Variants in PRKG1 observed in about 807,000 individuals in gnomAD.
PRKG1 encodes protein kinase cGMP-dependent 1.
A neutral mutation model predicts 88.1 loss-of-function variants in PRKG1; 35 were observed. The observed-to-expected ratio is 0.40, with a 90% CI of 0.30 to 0.53. The LOEUF is 0.53. PRKG1 is among the 20% of genes least tolerant of loss of function. The probability of loss-of-function intolerance (pLI) is 0.59; values close to 1 mark genes in which losing one functional copy is unlikely to be tolerated. For missense variants in PRKG1, 540 were observed against 839.8 expected (o/e 0.64, Z 4.41); for synonymous variants, 303 against 292.5 (o/e 1.04, Z -0.37).
chr10:51,619,526 T>A (rs1231195203), intron 3 of PRKG1, among the ~76,000 whole-genome samples: 1 of 152,148 alleles, frequency 6.6e-6, no homozygotes, highest in East Asian at 1.9e-4. Context: ...ATCAATCAAG[T>A]CAAACCCTCT....
intron 3 of PRKG1, among the ~76,000 whole-genome samples, chr10:51,741,347 A>C (rs1837428161): frequency 6.6e-6 from 1 of 152,068 alleles, no homozygotes; most frequent in African/African-American, 2.4e-5. Flanking sequence ...GAATAATGTT[A>C]TTGACAGGCT....
chr10:51,907,329 C>A (rs538275936), intron 4 of PRKG1, among the ~76,000 whole-genome samples, 178 bp from the exon 5 acceptor site: 22 of 150,848 alleles, frequency 1.5e-4, no homozygotes, highest in African/African-American at 5.4e-4. Flanking sequence ...TTGCTTTGAT[C>A]TTCATCTGCA....
At chr10:51,347,260 C>T (rs568820986) in intron 2 of PRKG1, among the ~76,000 whole-genome samples, 10 of 152,088 alleles carry the variant, frequency 6.6e-5, no homozygotes, top group African/African-American at 1.9e-4. Flanking sequence ...TTAAGCACCT[C>T]GCCCTGGATC....
chr10:51,994,136 C>T (rs1019620807), intron 5 of PRKG1, among the ~76,000 whole-genome samples: 1 of 152,156 alleles, frequency 6.6e-6, no homozygotes, highest in Non-Finnish European at 1.5e-5. Flanking sequence ...TGTGTTCACC[C>T]TTTCTTCCTA....
intron 8 of PRKG1, among the ~76,000 whole-genome samples, chr10:52,153,012 A>G (rs1350528105): frequency 1.3e-5 from 2 of 152,326 alleles, no homozygotes; most frequent in Admixed American, 1.3e-4. Context: ...GAACTCTGCA[A>G]TATGCTCTGA....
At chr10:51,738,799 C>G (rs1837357943) in intron 3 of PRKG1, among the ~76,000 whole-genome samples, 1 of 152,160 alleles carries the variant, frequency 6.6e-6, no homozygotes, top group Admixed American at 6.5e-5. Context: ...AAATTCTATT[C>G]TAATGTGATT....
At chr10:51,945,449 G>A (rs10762502) in intron 5 of PRKG1, among the ~76,000 whole-genome samples, 131,098 of 148,456 alleles carry the variant, frequency 0.88, 58,344 homozygotes, top group East Asian at 1. Flanking sequence ...CATTTAGTCC[G>A]TTTACATTTA....
chr10:52,051,750 C>T (rs996927964), intron 5 of PRKG1, among the ~76,000 whole-genome samples: 1 of 152,192 alleles, frequency 6.6e-6, no homozygotes, highest in Non-Finnish European at 1.5e-5. Context: ...AAGGGCCTTT[C>T]CCTGGAGAAG....
At chr10:51,988,428 A>G (rs1844219192) in intron 5 of PRKG1, among the ~76,000 whole-genome samples, 1 of 152,076 alleles carries the variant, frequency 6.6e-6, no homozygotes, top group African/African-American at 2.4e-5. Context: ...AGAAATTATT[A>G]AAGATTTCCA....
At chr10:52,023,756 TG>T (rs1845251311) in intron 5 of PRKG1, among the ~76,000 whole-genome samples, 1 of 152,230 alleles carries the variant, frequency 6.6e-6, no homozygotes. Context: ...CACTTTTTGA[TG>T]GGGTTGTTTT....
chr10:52,289,659 A>C (rs1487604557), intron 16 of PRKG1, among the ~76,000 whole-genome samples: 4 of 150,550 alleles, frequency 2.7e-5, no homozygotes, highest in Non-Finnish European at 4.4e-5. Flanking sequence ...GAAAACAAAC[A>C]AGCAAAAACT....
chr10:51,818,904 G>C (rs1839664839), intron 4 of PRKG1, among the ~76,000 whole-genome samples: 1 of 127,196 alleles, frequency 7.9e-6, no homozygotes, highest in East Asian at 2.2e-4. Context: ...CTACTTGGGA[G>C]GCTGAGGCAG....
chr10:52,106,407 A>G (rs558192358), intron 7 of PRKG1, among the ~76,000 whole-genome samples: 3 of 152,272 alleles, frequency 2.0e-5, no homozygotes, highest in African/African-American at 7.2e-5. Flanking sequence ...ATTTTTACGT[A>G]CTACCTCTGG....
At chr10:51,587,250 T>TAAGAA (rs1838196121) in intron 3 of PRKG1, among the ~76,000 whole-genome samples, 2 of 152,068 alleles carry the variant, frequency 1.3e-5, no homozygotes, top group African/African-American at 4.8e-5. Context: ...ATATTAATAG[T>TAAGAA]AGTAATAATG....
At chr10:51,826,606 T>A (rs16923721) in intron 4 of PRKG1, among the ~76,000 whole-genome samples, 21,293 of 152,130 alleles carry the variant, frequency 0.14, 2,042 homozygotes, top group African/African-American at 0.27. Context: ...ACTTATCATT[T>A]GGGAAACAGG....
intron 2 of PRKG1, among the ~76,000 whole-genome samples, chr10:51,187,227 C>T (rs1837515538): frequency 6.6e-6 from 1 of 151,564 alleles, no homozygotes; most frequent in Non-Finnish European, 1.5e-5. Flanking sequence ...ATGAAGTTCA[C>T]TGTTAAAGTT....
intron 2 of PRKG1, among the ~76,000 whole-genome samples, chr10:51,336,383 A>G (rs1318275108): frequency 6.7e-6 from 1 of 150,352 alleles, no homozygotes; most frequent in Non-Finnish European, 1.5e-5. Context: ...AATAAATAAA[A>G]TAGCATAATT....
chr10:51,098,004 G>T (rs745674305), intron 1 of PRKG1, among the ~76,000 whole-genome samples: 1 of 152,096 alleles, frequency 6.6e-6, no homozygotes, highest in Non-Finnish European at 1.5e-5. Context: ...ATGGGTTTTT[G>T]GGTCCTCTGA....
At chr10:51,233,767 G>T (rs1172794254) in intron 2 of PRKG1, among the ~76,000 whole-genome samples, 1 of 152,142 alleles carries the variant, frequency 6.6e-6, no homozygotes, top group East Asian at 1.9e-4. Context: ...AGGGAGACTA[G>T]TGAGAAAGAT....
Sources: gnomAD v4.1 joint callset for allele counts (sites outside exome capture counted in the v4.1 genomes callset) on GRCh38, gnomAD v4.1.1 for gene constraint, MANE v1.5 for transcripts, NCBI Gene and HGNC (gene_info 2026-07-23, HGNC 2026-07-21) for gene names.